LRBA: variants seen among roughly 807,000 people sequenced by gnomAD.
The protein encoded by LRBA is lipopolysaccharide-responsive and beige-like anchor protein.
A neutral mutation model predicts 330.0 loss-of-function variants in LRBA; 176 were observed. The ratio of observed to expected loss-of-function variants is 0.53; its 90% CI spans 0.47 to 0.60. The LOEUF (loss-of-function observed/expected upper bound fraction) is 0.60. Ranked by LOEUF, LRBA falls within the 20% of genes least tolerant of loss-of-function variation. The pLI is 0.00. For missense variants in LRBA, 3,259 were observed against 3,444.8 expected, an observed-to-expected ratio of 0.95 and a Z score of 1.35; for synonymous variants, 1,230 against 1,193.0, an observed-to-expected ratio of 1.03 and a Z score of -0.64.
chr4:150,772,222 A>G (rs1328021653), intron 34 of LRBA, among the ~76,000 whole-genome samples: 1 of 152,222 alleles, frequency 6.6e-6, no homozygotes, highest in East Asian at 1.9e-4. Context: ...AAAGGGCTGT[A>G]GTGCTCCAAC....
intron 56 of LRBA, among the ~76,000 whole-genome samples, chr4:150,277,002 T>C (rs542707537): frequency 6.6e-6 from 1 of 152,282 alleles, no homozygotes; most frequent in African/African-American, 2.4e-5. Flanking sequence ...CTATTCACAA[T>C]AGCAAAGACT....
chr4:150,568,653 A>G (rs866667012), intron 40 of LRBA, among the ~76,000 whole-genome samples: 13 of 152,296 alleles, frequency 8.5e-5, no homozygotes, highest in African/African-American at 3.1e-4. Context: ...AAGTAGGTAG[A>G]CTGTTTTCTT....
chr4:150,544,986 C>T (rs1216646609), intron 40 of LRBA, among the ~76,000 whole-genome samples: 1 of 152,092 alleles, frequency 6.6e-6, no homozygotes, highest in Non-Finnish European at 1.5e-5. Flanking sequence ...CAGATTGTAT[C>T]GCCTGTTACC....
At chr4:150,818,935 T>C (rs933880728) in intron 30 of LRBA, among the ~76,000 whole-genome samples, 2 of 152,076 alleles carry the variant, frequency 1.3e-5, no homozygotes, top group Non-Finnish European at 1.5e-5. Flanking sequence ...AAAGCTTATG[T>C]CCACAAAACA....
Position 150,851,940 on chromosome 4 carries a change from T to C in LRBA, c.3770A>G (p.Glu1257Gly), listed in dbSNP as rs1466552152. The C allele has an allele frequency of 1.9e-6, 3 of 1,614,136 alleles. No individual in the cohort carries two copies. Among genetic ancestry groups the C allele is most frequent in the Admixed American group, 3.3e-5 (2 of 60,034 alleles). Residue 1257 changes from glutamate (E) to glycine (G), a missense_variant, in exon 23 of 57, where the codon GAG becomes GGG. Glu to Gly is a moderately conservative substitution (Grantham distance 98). Transcript: ENST00000651943. The part of the protein sequence containing the change: ...SNVATDTERL[E>G]LKASPNVEAP... The stretch of plus-strand genomic sequence containing the variant: ...TTCCACGTTGGGACTGGCCTTCAAC[T>C]CCAGCCTCTCAGTATCTGTAGCAAC...
chr4:150,840,257 CCTTT>C (rs1748863142), intron 28 of LRBA, among the ~76,000 whole-genome samples: 2 of 152,198 alleles, frequency 1.3e-5, no homozygotes, highest in African/African-American at 4.8e-5. Flanking sequence ...CTTTTAATTT[CCTTT>C]AAGAACTTTG....
At chr4:150,664,910 T>G (rs1287695993) in intron 37 of LRBA, among the ~76,000 whole-genome samples, 1 of 152,222 alleles carries the variant, frequency 6.6e-6, no homozygotes, top group African/African-American at 2.4e-5. Context: ...TATAATTTTA[T>G]GAGTTTTGAC....
intron 37 of LRBA, among the ~76,000 whole-genome samples, chr4:150,669,574 T>A (rs180742599): frequency 6.6e-6 from 1 of 152,198 alleles, no homozygotes; most frequent in Admixed American, 6.5e-5. Context: ...GTCTAATATT[T>A]TCTCTTTTTT....
intron 35 of LRBA, among the ~76,000 whole-genome samples, chr4:150,755,865 C>T (rs1052512654): frequency 5.3e-5 from 8 of 151,450 alleles, no homozygotes; most frequent in African/African-American, 1.7e-4. Flanking sequence ...TGGCAAAACC[C>T]CATCTCTACA....
At chr4:150,994,671 A>C (rs1348150788) in intron 2 of LRBA, among the ~76,000 whole-genome samples, 2 of 152,212 alleles carry the variant, frequency 1.3e-5, no homozygotes, top group Non-Finnish European at 2.9e-5. Flanking sequence ...TTCTCTAATA[A>C]GGCCACAAAT....
intron 37 of LRBA, among the ~76,000 whole-genome samples, chr4:150,643,272 C>T (rs1243334691): frequency 2.0e-5 from 3 of 151,330 alleles, no homozygotes; most frequent in Admixed American, 6.6e-5. Context: ...ATGCCAAGCA[C>T]TAAGGAGACA....
chr4:150,628,408 A>C (rs1428099096), intron 37 of LRBA, among the ~76,000 whole-genome samples: 1 of 152,182 alleles, frequency 6.6e-6, no homozygotes, highest in African/African-American at 2.4e-5. Flanking sequence ...ATGATCAAAA[A>C]ACAGCCATAA....
At chr4:150,813,862 A>G (rs1744157939) in intron 31 of LRBA, among the ~76,000 whole-genome samples, 2 of 152,126 alleles carry the variant, frequency 1.3e-5, no homozygotes, top group African/African-American at 4.8e-5. Flanking sequence ...CATTTAAGAT[A>G]GGGTAGATTA....
rs188356885 is a variant in LRBA, at chr4:150,405,497, C to G, written c.7194+9941G>C. On this transcript the variant is annotated intron_variant, in intron 47 of 56. Coordinates refer to ENST00000651943, the MANE Select transcript of LRBA (RefSeq NM_001364905.1). ...GATGATGCTGAGTACCTGATGCACT[C>G]TTCTGATGCCATTTTGAAATGTTTC... Among the ~76,000 whole-genome samples, 152 of 152,278 alleles carry G rather than the reference C, an allele frequency of 1.0e-3. No homozygotes were observed. The Middle Eastern group carries it at 0.031, about 31-fold the overall frequency.
At chr4:150,840,202 C>CT (rs1178226253) in intron 28 of LRBA, among the ~76,000 whole-genome samples, 2 of 152,130 alleles carry the variant, frequency 1.3e-5, no homozygotes, top group Non-Finnish European at 2.9e-5. Context: ...AGTATAAAGC[C>CT]GTTTTACTTC....
At chr4:150,567,054 A>G (rs1392713266) in intron 40 of LRBA, among the ~76,000 whole-genome samples, 2 of 152,142 alleles carry the variant, frequency 1.3e-5, no homozygotes, top group African/African-American at 4.8e-5. Flanking sequence ...AATCACTTTA[A>G]AACAAAATTT....
At chr4:150,747,089 C>T (rs1732846104) in intron 35 of LRBA, among the ~76,000 whole-genome samples, 1 of 152,146 alleles carries the variant, frequency 6.6e-6, no homozygotes, top group Non-Finnish European at 1.5e-5. Flanking sequence ...TGTTGTTAAA[C>T]TTTTATACTC....
intron 40 of LRBA, among the ~76,000 whole-genome samples, chr4:150,570,290 C>T (rs1188471175): frequency 1.3e-5 from 2 of 151,998 alleles, no homozygotes; most frequent in Non-Finnish European, 2.9e-5. Context: ...ACTATTTTTG[C>T]ATCTCACTAT....
At chr4:150,826,505 C>G (rs1407318983) in intron 30 of LRBA, among the ~76,000 whole-genome samples, 1 of 152,136 alleles carries the variant, frequency 6.6e-6, no homozygotes, top group African/African-American at 2.4e-5. Flanking sequence ...AACACAAACA[C>G]CAGCTGCAAG....
Sources: gnomAD v4.1 joint callset for allele counts (sites outside exome capture counted in the v4.1 genomes callset) on GRCh38, gnomAD v4.1.1 for gene constraint, MANE v1.5 for transcripts, NCBI Gene and HGNC (gene_info 2026-07-23, HGNC 2026-07-21) for gene names.